PDE4B: variants seen among roughly 807,000 people sequenced by gnomAD.
PDE4B encodes the protein 3',5'-cyclic-AMP phosphodiesterase 4B.
PDE4B carries 20 observed loss-of-function variants against 82.2 expected under a neutral mutation model. The observed-to-expected ratio is 0.24, with a 90% CI of 0.17 to 0.35. PDE4B has a LOEUF of 0.35. Among genes scored for constraint, PDE4B ranks in the 10% least tolerant of loss-of-function variants. PDE4B has a pLI of 1.00. For missense variants in PDE4B, 655 were observed against 907.2 expected (o/e 0.72, Z 3.57); for synonymous variants, 320 against 318.9 (o/e 1.00, Z -0.04).
At chr1:65,831,928 C>T (rs975397193) in intron 1 of PDE4B, among the ~76,000 whole-genome samples, 1 of 152,106 alleles carries the variant, frequency 6.6e-6, no homozygotes, top group Non-Finnish European at 1.5e-5. Context: ...GAACATATAT[C>T]GGGCTCTGGG....
Position 66,193,152 on chromosome 1 carries a change from A to G in PDE4B, c.282-54308A>G, listed in dbSNP as rs190031110. 5.3e-5 allele frequency among the ~76,000 whole-genome samples: 8 copies of G among 152,342 alleles called. No homozygotes were observed. In the East Asian group the frequency reaches 1.3e-3, roughly 26 times the overall value. Reference sequence around the variant, plus strand: ...TGATCATATATGGAAAGAAAGTAAGATGTTTCCACAAGAAAGGAATTTCAT... The same window carrying G: ...TGATCATATATGGAAAGAAAGTAAGGTGTTTCCACAAGAAAGGAATTTCAT... On this transcript the variant is annotated intron_variant, in intron 3 of 16. Coordinates refer to ENST00000341517, the MANE Select transcript of PDE4B (RefSeq NM_002600.4).
intron 3 of PDE4B, among the ~76,000 whole-genome samples, chr1:66,196,864 A>G (rs1250934182): frequency 1.3e-5 from 2 of 151,926 alleles, no homozygotes; most frequent in Non-Finnish European, 2.9e-5. Context: ...ATGCTAGATG[A>G]CAAGTTAGTG....
intron 3 of PDE4B, among the ~76,000 whole-genome samples, chr1:66,173,827 C>T (rs1159955052): frequency 6.6e-6 from 1 of 152,054 alleles, no homozygotes; most frequent in Non-Finnish European, 1.5e-5. Flanking sequence ...GCTGTGTCAC[C>T]CAGGCTGGAC....
intron 1 of PDE4B, among the ~76,000 whole-genome samples, chr1:65,815,053 ATTTATTTATTT>A (rs1645865905): frequency 7.9e-6 from 1 of 127,276 alleles, no homozygotes; most frequent in Non-Finnish European, 1.8e-5. Context: ...TTATTTATTT[ATTTATTTATTT>A]ATTATTATTA....
chr1:66,006,531 A>G (rs1312029955), intron 3 of PDE4B, among the ~76,000 whole-genome samples: 2 of 152,102 alleles, frequency 1.3e-5, no homozygotes, highest in Non-Finnish European at 2.9e-5. Context: ...AAATTGCTTG[A>G]GGCCAGAAGT....
At chr1:65,882,364 T>C (rs1646717872) in intron 1 of PDE4B, among the ~76,000 whole-genome samples, 1 of 152,214 alleles carries the variant, frequency 6.6e-6, no homozygotes, top group Non-Finnish European at 1.5e-5. Context: ...AAGTGAATTG[T>C]CATTGATTGA....
intron 3 of PDE4B, among the ~76,000 whole-genome samples, chr1:66,096,072 T>C (rs907074069): frequency 1.1e-4 from 16 of 151,780 alleles, no homozygotes; most frequent in Admixed American, 2.6e-4. Context: ...TATATTATTG[T>C]TGACTATAGT....
At chr1:65,841,294 C>T (rs912605038) in intron 1 of PDE4B, among the ~76,000 whole-genome samples, 1 of 148,956 alleles carries the variant, frequency 6.7e-6, no homozygotes, top group African/African-American at 2.5e-5. Context: ...TAGAGCGAGA[C>T]TCTGCCTTCA....
At chr1:65,848,595 A>G (rs1381626360) in intron 1 of PDE4B, among the ~76,000 whole-genome samples, 1 of 152,168 alleles carries the variant, frequency 6.6e-6, no homozygotes, top group Non-Finnish European at 1.5e-5. Flanking sequence ...TGCTATCACC[A>G]TAGATTAATT....
intron 3 of PDE4B, among the ~76,000 whole-genome samples, chr1:66,113,047 A>G (rs1645521308): frequency 3.9e-5 from 6 of 152,126 alleles, no homozygotes; most frequent in Admixed American, 1.3e-4. Flanking sequence ...TTGAGACACA[A>G]TTGCATTTAG....
At chr1:65,930,593 G>A (rs1411151516) in intron 3 of PDE4B, among the ~76,000 whole-genome samples, 2 of 152,206 alleles carry the variant, frequency 1.3e-5, no homozygotes, top group African/African-American at 2.4e-5. Context: ...AGAGATTATT[G>A]TGGAGCTATA....
chr1:66,053,939 TGA>T (rs1655171644), intron 3 of PDE4B, among the ~76,000 whole-genome samples: 1 of 152,128 alleles, frequency 6.6e-6, no homozygotes, highest in South Asian at 2.1e-4. Flanking sequence ...TGCTCAAGAC[TGA>T]GGAGTTTCCC....
In PDE4B at chr1:66,132,199, G is replaced by C. The variant is rs139640223; in HGVS notation, c.282-115261G>C. On this transcript the variant is annotated intron_variant, in intron 3 of 16. Transcript: ENST00000341517. ...CTTTAGAGTGTCCCTGAAAAACTGA[G>C]TATATTCAATGAACATTCAGGCATT... 2.5e-3 allele frequency among the ~76,000 whole-genome samples: 381 copies of C among 152,218 alleles called. 2 individuals are homozygous for C. Among genetic ancestry groups the C allele is most frequent in the African/African-American group, 8.6e-3 (359 of 41,542 alleles).
chr1:65,989,406 C>T (rs1442160456), intron 3 of PDE4B, among the ~76,000 whole-genome samples: 1 of 152,006 alleles, frequency 6.6e-6, no homozygotes, highest in Non-Finnish European at 1.5e-5. Context: ...GAGGTAGGAT[C>T]GCTTGAACCC....
chr1:65,900,040 A>G (rs1265870132), intron 1 of PDE4B, among the ~76,000 whole-genome samples: 1 of 152,080 alleles, frequency 6.6e-6, no homozygotes, highest in Admixed American at 6.6e-5. Context: ...AAATAAAAAA[A>G]TAAAAAAGAA....
intron 8 of PDE4B, among the ~76,000 whole-genome samples, chr1:66,349,236 CA>C (rs1661643667): frequency 1.3e-5 from 2 of 152,246 alleles, no homozygotes; most frequent in African/African-American, 4.8e-5. Context: ...GTCACTTGAG[CA>C]GAGACTTGTC....
At chr1:65,837,289 G>C (rs1394693947) in intron 1 of PDE4B, among the ~76,000 whole-genome samples, 1 of 152,082 alleles carries the variant, frequency 6.6e-6, no homozygotes, top group Admixed American at 6.6e-5. Context: ...CTGGTTCACA[G>C]GGATAAAGAT....
At chr1:66,250,840 A>G (rs1013342882) in intron 4 of PDE4B, among the ~76,000 whole-genome samples, 2 of 151,960 alleles carry the variant, frequency 1.3e-5, no homozygotes, top group African/African-American at 4.8e-5. Flanking sequence ...AGGAAAGGAA[A>G]CTCCATGTTT....
At chr1:65,875,014 A>G (rs1243597359) in intron 1 of PDE4B, among the ~76,000 whole-genome samples, 1 of 150,494 alleles carries the variant, frequency 6.6e-6, no homozygotes, top group Admixed American at 6.6e-5. Context: ...TGAACAGGCA[A>G]CCTACAAAAT....
Sources: allele counts gnomAD v4.1 joint callset (sites outside exome capture counted in the v4.1 genomes callset), GRCh38; gene constraint gnomAD v4.1.1; transcripts MANE v1.5; gene names NCBI Gene and HGNC (gene_info 2026-07-23, HGNC 2026-07-21).